Variants in TXNL4A observed in about 807,000 individuals in gnomAD.
The protein encoded by TXNL4A is thioredoxin like 4A, also known as thioredoxin-like protein 4A.
TXNL4A carries 17 observed loss-of-function variants against 14.6 expected under a neutral mutation model. That is an observed-to-expected ratio of 1.16 (90% CI 0.80 to 1.74). The LOEUF is 1.74. Among genes scored for constraint, TXNL4A ranks in the 40% most tolerant of loss-of-function variants. TXNL4A has a pLI of 0.00. For synonymous variants in TXNL4A, 83 were observed against 70.6 expected (o/e 1.18, Z -0.88); for missense variants, 74 against 195.2 (o/e 0.38, Z 3.70).
In TXNL4A at chr18:80,022,251, C is replaced by T. The variant is rs559029803; in HGVS notation, c.-61+11600G>A. Among the ~76,000 whole-genome samples the T allele has an allele frequency of 3.3e-5, 5 of 152,250 alleles. No homozygotes were observed. In the East Asian group the frequency reaches 7.7e-4, roughly 24 times the overall value. On this transcript the variant is annotated intron_variant, in intron 1 of 2. Coordinates refer to the TXNL4A transcript ENST00000585474. ...GGGCACTACCAGAGGAGCTAATGAT[C>T]TGGCTATTGTGGGGCAGGTAGGACA...
intron 1 of TXNL4A, among the ~76,000 whole-genome samples, chr18:79,997,848 GC>G (rs2051672884): frequency 6.6e-6 from 1 of 152,202 alleles, no homozygotes; most frequent in Non-Finnish European, 1.5e-5. Flanking sequence ...CTTCAGCGAT[GC>G]TTGCTGCAAG....
At chr18:80,016,928 C>T (rs2051815139) in intron 1 of TXNL4A, among the ~76,000 whole-genome samples, 1 of 152,110 alleles carries the variant, frequency 6.6e-6, no homozygotes, top group Non-Finnish European at 1.5e-5. Flanking sequence ...ATGGGGATGG[C>T]ATTGAATCTA....
At chr18:79,977,482 G>T in intron 2 of TXNL4A, 116 bp downstream of exon 2, 2 of 821,526 alleles carry the variant, frequency 2.4e-6, no homozygotes, top group Non-Finnish European at 4.0e-6. Flanking sequence ...AACGATTTTG[G>T]GACATGACTG....
At chr18:80,031,855 A>T (rs1599760481) in intron 1 of TXNL4A, among the ~76,000 whole-genome samples, 1 of 152,192 alleles carries the variant, frequency 6.6e-6, no homozygotes. Context: ...CAAAACCCTC[A>T]CTGATTGGTT....
intron 1 of TXNL4A, among the ~76,000 whole-genome samples, chr18:80,014,556 G>A (rs1027144583): frequency 6.6e-6 from 1 of 152,134 alleles, no homozygotes; most frequent in East Asian, 1.9e-4. Flanking sequence ...CATGGTCTTG[G>A]GCAGCTCCAC....
upstream of TXNL4A, among the ~76,000 whole-genome samples, chr18:79,990,882 A>T (rs1035525453): frequency 1.3e-5 from 2 of 152,042 alleles, no homozygotes. Context: ...AGGCGGGCGG[A>T]TCACGAGGTC....
rs573032947 is a variant in TXNL4A, at chr18:80,011,650, G to A, written c.-61+22201C>T. On this transcript the variant is annotated intron_variant, in intron 1 of 2. Transcript: ENST00000585474. This position sits in a 1 kb window ranked among gnomAD's most constrained non-coding sequence, Gnocchi z 4.1. ...GTCTTTATGCCCCGAGAGCACAACC[G>A]CTCGGCGGCATTCCACAGGTGGCTC... is the stretch of plus-strand genomic sequence containing the variant. Among the ~76,000 whole-genome samples the A allele has an allele frequency of 6.6e-6, 1 of 152,086 alleles. No individual in the cohort carries two copies. Among genetic ancestry groups the A allele is most frequent in the Non-Finnish European group, 1.5e-5 (1 of 68,016 alleles).
intron 1 of TXNL4A, among the ~76,000 whole-genome samples, chr18:80,022,657 T>C (rs2051857497): frequency 6.6e-6 from 1 of 152,224 alleles, no homozygotes; most frequent in South Asian, 2.1e-4. Flanking sequence ...AGAATGCAGA[T>C]GGTTTGTTAC....
intron 1 of TXNL4A, among the ~76,000 whole-genome samples, chr18:80,001,263 CT>C (rs965823757): frequency 1.4e-4 from 22 of 152,294 alleles, no homozygotes; most frequent in African/African-American, 4.8e-4. Flanking sequence ...TTGGGAACCT[CT>C]GCCTAGATTT....
chr18:80,026,464 C>T (rs983407552), intron 1 of TXNL4A, among the ~76,000 whole-genome samples: 3 of 152,044 alleles, frequency 2.0e-5, no homozygotes, highest in Admixed American at 2.0e-4. Flanking sequence ...AGGAGTTTCA[C>T]GTCTCCAAAT....
At chr18:80,020,641 G>T (rs2051842562) in intron 1 of TXNL4A, among the ~76,000 whole-genome samples, 1 of 152,192 alleles carries the variant, frequency 6.6e-6, no homozygotes, top group Non-Finnish European at 1.5e-5. Context: ...GAGCGTAGGT[G>T]CTTTAAGTCA....
chr18:80,031,816 GA>G (rs1229162404), intron 1 of TXNL4A, among the ~76,000 whole-genome samples: 3 of 152,238 alleles, frequency 2.0e-5, no homozygotes. Context: ...TGACTGATAT[GA>G]AAACCCAGAT....
At chr18:79,997,138 G>T (rs921016265) in intron 1 of TXNL4A, among the ~76,000 whole-genome samples, 1 of 152,082 alleles carries the variant, frequency 6.6e-6, no homozygotes, top group South Asian at 2.1e-4. Context: ...CAGAAGTGGA[G>T]CATTTGCTTA....
At position 80,024,163 on chromosome 18, in the gene TXNL4A, G is replaced by A. The variant is rs1398820650; in HGVS notation, c.-61+9688C>T. On this transcript the variant is annotated intron_variant, in intron 1 of 2. Transcript: ENST00000585474. ...GATCTTCCAATGTTTCTCAGCTGGGGGGGTCTGAGGTTTATTCACTGTTTA... is the reference window on the plus strand; with the variant it reads ...GATCTTCCAATGTTTCTCAGCTGGGAGGGTCTGAGGTTTATTCACTGTTTA... Among the ~76,000 whole-genome samples, 5 of 151,606 alleles carry A rather than the reference G, an allele frequency of 3.3e-5. 1 individual carries two copies. Among genetic ancestry groups the A allele is most frequent in the Admixed American group, 6.6e-5 (1 of 15,194 alleles).
intron 1 of TXNL4A, among the ~76,000 whole-genome samples, chr18:80,022,410 C>A (rs1269741087): frequency 6.6e-6 from 1 of 152,210 alleles, no homozygotes; most frequent in East Asian, 1.9e-4. Context: ...TTTAGGTTAT[C>A]TTGCAAGGCA....
At chr18:79,974,685 G>C (rs2051351965) in intron 2 of TXNL4A, among the ~76,000 whole-genome samples, 1 of 152,048 alleles carries the variant, frequency 6.6e-6, no homozygotes, top group African/African-American at 2.4e-5. Context: ...CCCCATGTTG[G>C]CCAGGCTGGT....
At chr18:80,009,904 G>C (rs1209746364) in intron 1 of TXNL4A, among the ~76,000 whole-genome samples, 2 of 152,136 alleles carry the variant, frequency 1.3e-5, no homozygotes, top group Non-Finnish European at 2.9e-5. Context: ...AGTGTTCCTA[G>C]AGGAAGGTCA....
intron 1 of TXNL4A, among the ~76,000 whole-genome samples, chr18:80,014,493 C>T (rs1274416201): frequency 6.6e-6 from 1 of 152,204 alleles, no homozygotes; most frequent in Non-Finnish European, 1.5e-5. Flanking sequence ...AAAATGATCT[C>T]CTTTGACTTC....
At chr18:80,001,888 A>C (rs1268108922) in intron 1 of TXNL4A, among the ~76,000 whole-genome samples, 5 of 152,136 alleles carry the variant, frequency 3.3e-5, no homozygotes. Flanking sequence ...TAATGCTAAA[A>C]GGACTTTGGG....
Sources: gnomAD v4.1 joint callset for allele counts (sites outside exome capture counted in the v4.1 genomes callset) on GRCh38, gnomAD v4.1.1 for gene constraint, Gnocchi (gnomAD v3.1) non-coding constraint, MANE v1.5 for transcripts, NCBI Gene and HGNC (gene_info 2026-07-23, HGNC 2026-07-21) for gene names.